Variants in TIMM9 observed in about 807,000 individuals in gnomAD.
The protein encoded by TIMM9 is mitochondrial import inner membrane translocase subunit Tim9.
TIMM9 carries 10 observed loss-of-function variants against 13.4 expected under a neutral mutation model. The observed-to-expected ratio is 0.75, with a 90% CI of 0.46 to 1.26. The LOEUF is 1.26. Among genes scored for constraint, TIMM9 ranks in the 50% most tolerant of loss-of-function variants. The pLI is 0.00. For missense variants in TIMM9, 87 were observed against 100.8 expected (o/e 0.86, Z 0.58); for synonymous variants, 32 against 32.1 (o/e 1.00, Z 0.01).
chr14:58,409,089 A>G lies in TIMM9; in HGVS notation c.215T>C (p.Ile72Thr), dbSNP rs746625603. The part of the protein sequence containing the change: ...RISMRFQEYH[I>T]QQNEALAAKA... ...GGCTGCCAGGGCTTCATTCTGCTGAATATGATATTCCTGAAATCTCATGGA... is the reference window on the plus strand; with the variant it reads ...GGCTGCCAGGGCTTCATTCTGCTGAGTATGATATTCCTGAAATCTCATGGA... Residue 72 changes from isoleucine to threonine, a missense_variant, in exon 6 of 6, where the codon ATT becomes ACT. Ile to Thr is a moderately conservative substitution (Grantham distance 89). Coordinates refer to ENST00000395159, the MANE Select transcript of TIMM9 (RefSeq NM_012460.4). 2 of 1,614,054 alleles carry G rather than the reference A, an allele frequency of 1.2e-6. No individual in the cohort carries two copies. Among genetic ancestry groups the G allele is most frequent in the South Asian group, 1.1e-5 (1 of 91,062 alleles).
chr14:58,421,224 C>A (rs985214318), intron 3 of TIMM9, among the ~76,000 whole-genome samples: 25 of 152,096 alleles, frequency 1.6e-4, no homozygotes, highest in African/African-American at 5.8e-4. Flanking sequence ...GAAAATTCTG[C>A]TGAGGAAAAA....
chr14:58,426,862 C>T (rs888148158), intron 2 of TIMM9, among the ~76,000 whole-genome samples, 192 bp downstream of exon 2: 1 of 152,184 alleles, frequency 6.6e-6, no homozygotes, highest in East Asian at 1.9e-4. Flanking sequence ...AAGTTCCTAC[C>T]CTCGCCCAGG....
At chr14:58,411,537 A>G (rs1032160384) in intron 4 of TIMM9, among the ~76,000 whole-genome samples, 1 of 151,680 alleles carries the variant, frequency 6.6e-6, no homozygotes, top group Non-Finnish European at 1.5e-5. Flanking sequence ...TTGTGAAACC[A>G]CTGACATGGT....
At chr14:58,413,306 GACCCTTACT>G (rs900701115) in intron 3 of TIMM9, among the ~76,000 whole-genome samples, 1 of 152,160 alleles carries the variant, frequency 6.6e-6, no homozygotes, top group Admixed American at 6.5e-5. Flanking sequence ...ATTTAACTCT[GACCCTTACT>G]ACTAATGATC....
chr14:58,414,157 T>C (rs896902407), intron 3 of TIMM9, among the ~76,000 whole-genome samples: 2 of 152,100 alleles, frequency 1.3e-5, no homozygotes, highest in African/African-American at 4.8e-5. Flanking sequence ...AAGAGTTTTC[T>C]GATAACCAAA....
rs2036117876 is a variant in TIMM9 at position 58,408,919 on chromosome 14, C to T, written c.*115G>A. 1.4e-6 allele frequency: 2 copies of T among 1,454,132 alleles called. No homozygotes were observed. The highest frequency in any genetic ancestry group is 2.9e-5 in the African/African-American group (2 of 69,738). The allele number at this position is 1,454,132 out of a possible 1,614,324, so 90.1% of individuals were successfully genotyped here. A position where few individuals can be genotyped will look rare whatever the true frequency, so the allele number is the denominator to read the frequency against. ...GTTTCCATTTGCCAAACAGTCATGA[C>T]AGATGGTTGAACATGGTGGCTACTG... is the stretch of plus-strand genomic sequence containing the variant. On this transcript the variant is annotated 3_prime_UTR_variant, in exon 6 of 6. Coordinates refer to ENST00000395159, the MANE Select transcript of TIMM9 (RefSeq NM_012460.4).
rs888926729 is a variant in TIMM9 at position 58,415,191 on chromosome 14, G to T, written c.-26-3220C>A. ...GATGAATTTCTACTTCCACCTGGCA[G>T]TAATGAAGTGGTACCTCCCACCACT... On this transcript the variant is annotated intron_variant, in intron 3 of 5. Transcript: ENST00000395159. Among the ~76,000 whole-genome samples, 11 of 152,298 alleles carry T rather than the reference G, an allele frequency of 7.2e-5. 1 individual carries two copies. The highest frequency in any genetic ancestry group is 6.5e-4 in the Admixed American group (10 of 15,298).
At chr14:58,420,793 C>A (rs1291236477) in intron 3 of TIMM9, among the ~76,000 whole-genome samples, 61 of 57,472 alleles carry the variant, frequency 1.1e-3, no homozygotes, top group South Asian at 2.5e-3. Flanking sequence ...AAATCCATCT[C>A]AAAAAAAAAA....
chr14:58,411,591 G>A (rs1381776526), intron 4 of TIMM9, among the ~76,000 whole-genome samples: 1 of 151,772 alleles, frequency 6.6e-6, no homozygotes, highest in African/African-American at 2.4e-5. Flanking sequence ...CCAGGCTGGA[G>A]TGCAATGCCA....
At chr14:58,418,217 A>G (rs1457320738) in intron 3 of TIMM9, among the ~76,000 whole-genome samples, 1 of 152,202 alleles carries the variant, frequency 6.6e-6, no homozygotes, top group African/African-American at 2.4e-5. Context: ...ACTGAAGAAG[A>G]AAAACCAAAT....
At position 58,410,821 on chromosome 14, in the gene TIMM9, TAGTG is replaced by T. The variant is rs756501404; in HGVS notation, c.135+18_135+21del. ...GTGTTTATGAAGGCTTGTAGAATTT[TAGTG>T]AGTAACACTTTTCATACCTCTTCAG... On this transcript the variant is annotated intron_variant, in intron 5 of 5. Transcript: ENST00000395159. The T allele has an allele frequency of 2.6e-6, 4 of 1,544,062 alleles. No individual in the cohort carries two copies. The highest frequency in any genetic ancestry group is 3.5e-6 in the Non-Finnish European group (4 of 1,129,002).
At chr14:58,410,699 G>A (rs2036187637) in intron 5 of TIMM9, 144 bp downstream of exon 5, 4 of 575,470 alleles carry the variant, frequency 7.0e-6, no homozygotes, top group Admixed American at 6.8e-5. Flanking sequence ...TGGTTCAGTG[G>A]CTGCTTCAGT....
At chr14:58,411,798 A>G (rs1041785794) in intron 4 of TIMM9, 109 bp downstream of exon 4, 6 of 1,000,426 alleles carry the variant, frequency 6.0e-6, no homozygotes, top group African/African-American at 4.8e-5. Flanking sequence ...GGGCCTCCCA[A>G]CGTGCTGGGA....
chr14:58,408,520 A>G lies in TIMM9; in HGVS notation c.*514T>C. 3 of 1,613,444 alleles carry G rather than the reference A, an allele frequency of 1.9e-6. No individual in the cohort carries two copies. The highest frequency in any genetic ancestry group is 2.5e-6 in the Non-Finnish European group (3 of 1,179,626). ...TGATTAGCAAGTAACTATTTTATGT[A>G]TTCACCAGCAATTTGAGGCAGACAT... On this transcript the variant is annotated 3_prime_UTR_variant, in exon 6 of 6. Transcript: ENST00000395159.
intron 4 of TIMM9, among the ~76,000 whole-genome samples, chr14:58,411,522 T>C (rs116673840): frequency 0.018 from 2,666 of 151,650 alleles, 85 homozygotes; most frequent in African/African-American, 0.06. Context: ...ATAGAAACAA[T>C]TGTTTTGTGA....
chr14:58,421,971 T>A (rs1449571944), intron 3 of TIMM9, among the ~76,000 whole-genome samples: 3 of 151,160 alleles, frequency 2.0e-5, no homozygotes, highest in Non-Finnish European at 2.9e-5. Context: ...CATCAAAAAA[T>A]AACACAGAGC....
At position 58,409,039 on chromosome 14, in the gene TIMM9, G is replaced by A. The variant is rs763790415; in HGVS notation, c.265C>T (p.Arg89Ter). The change falls in exon 6 of 6, where the codon CGA becomes TGA. Residue 89 changes from arginine to a stop codon, truncating the protein, a stop_gained. Transcript: ENST00000395159. LOFTEE classifies it high-confidence loss of function. ...GTTCATCCATCAGGACTTCTCTATC[G>A]TGGTTGGCCAAGGAGTCCTGCTTTG... ...AAKAGLLGQP[R>*] 1.2e-5 allele frequency: 20 copies of A among 1,611,710 alleles called. 1 individual carries two copies. Among genetic ancestry groups the A allele is most frequent in the South Asian group, 4.4e-5 (4 of 90,448 alleles).
At chr14:58,422,912 T>C (rs1430306538) in intron 3 of TIMM9, among the ~76,000 whole-genome samples, 1 of 151,864 alleles carries the variant, frequency 6.6e-6, no homozygotes, top group Non-Finnish European at 1.5e-5. Context: ...TGGGTTCAAG[T>C]GATTTTGTGC....
At chr14:58,412,257 T>A in intron 3 of TIMM9, 1 of 301,464 alleles carries the variant, frequency 3.3e-6, no homozygotes, top group Non-Finnish European at 6.3e-6. Context: ...TTCTCCTGCC[T>A]CAGCCTCCTG....
Sources: gnomAD v4.1 joint callset for allele counts (sites outside exome capture counted in the v4.1 genomes callset) on GRCh38, gnomAD v4.1.1 for gene constraint, MANE v1.5 for transcripts, NCBI Gene and HGNC (gene_info 2026-07-23, HGNC 2026-07-21) for gene names.